DIP2C: variants seen among roughly 807,000 people sequenced by gnomAD.
DIP2C encodes disco-interacting protein 2 homolog C.
In DIP2C, 33 loss-of-function variants were observed where a neutral mutation model predicts 192.4. The observed-to-expected ratio is 0.17, with a 90% CI of 0.13 to 0.23. The LOEUF (loss-of-function observed/expected upper bound fraction) is 0.23. Among genes scored for constraint, DIP2C ranks in the 10% least tolerant of loss-of-function variants. The pLI is 1.00. For missense variants in DIP2C, 1,537 were observed against 2,110.1 expected (o/e 0.73, Z 5.32); for synonymous variants, 979 against 864.1 (o/e 1.13, Z -2.33).
intron 1 of DIP2C, among the ~76,000 whole-genome samples, chr10:501,267 A>T (rs190838402): frequency 5.1e-4 from 78 of 152,344 alleles, no homozygotes; most frequent in African/African-American, 1.8e-3. Context: ...TAGTTTGTGG[A>T]AACATCCTTT....
At chr10:454,123 A>G (rs144643442) in intron 3 of DIP2C, among the ~76,000 whole-genome samples, 11 of 152,352 alleles carry the variant, frequency 7.2e-5, no homozygotes, top group African/African-American at 2.6e-4. Flanking sequence ...AAAGAGGCAG[A>G]TCTTTCTCGT....
chr10:421,305 A>C (rs191221678), intron 5 of DIP2C, among the ~76,000 whole-genome samples: 1 of 152,330 alleles, frequency 6.6e-6, no homozygotes, highest in East Asian at 1.9e-4. Flanking sequence ...TAAACCCGCA[A>C]AGGGAGGCCA....
intron 2 of DIP2C, among the ~76,000 whole-genome samples, chr10:482,191 G>A (rs535529830): frequency 1.3e-5 from 2 of 152,260 alleles, no homozygotes; most frequent in South Asian, 4.1e-4. Flanking sequence ...ATGGCTGTCG[G>A]GAGGGACAGC....
At chr10:406,657 C>T (rs906217074) in intron 9 of DIP2C, among the ~76,000 whole-genome samples, 4 of 152,124 alleles carry the variant, frequency 2.6e-5, no homozygotes, top group Admixed American at 6.5e-5. Context: ...AGCCCTTTCC[C>T]GAAATTACCC....
chr10:463,566 C>T (rs1490890902), intron 3 of DIP2C, among the ~76,000 whole-genome samples: 2 of 152,130 alleles, frequency 1.3e-5, no homozygotes, highest in Admixed American at 1.3e-4. Context: ...GCCATATTGC[C>T]CAAAGTAATT....
intron 29 of DIP2C, among the ~76,000 whole-genome samples, chr10:331,256 A>G (rs886964687): frequency 9.2e-5 from 14 of 152,212 alleles, no homozygotes; most frequent in African/African-American, 3.4e-4. Context: ...AGAGAATCCA[A>G]CTAAAGAAAT....
intron 32 of DIP2C, among the ~76,000 whole-genome samples, chr10:289,943 GTGAC>G (rs1302508725): frequency 1.3e-5 from 2 of 152,210 alleles, no homozygotes; most frequent in African/African-American, 4.8e-5. Context: ...TGGCTGTTGA[GTGAC>G]TGAGGCCACA....
intron 17 of DIP2C, 128 bp from the exon 18 acceptor site, chr10:369,761 C>G (rs768507417): frequency 6.6e-7 from 1 of 1,511,644 alleles, no homozygotes; most frequent in Admixed American, 1.7e-5. Flanking sequence ...AGGCACAGTG[C>G]TGGCTGCCCA....
intron 4 of DIP2C, among the ~76,000 whole-genome samples, chr10:433,726 T>C (rs1966952082): frequency 6.6e-6 from 1 of 152,126 alleles, no homozygotes; most frequent in Admixed American, 6.5e-5. Flanking sequence ...TATATCTTTT[T>C]CTATCCCTTT....
At chr10:467,623 T>TA (rs1271444393) in intron 3 of DIP2C, among the ~76,000 whole-genome samples, 1 of 139,320 alleles carries the variant, frequency 7.2e-6, no homozygotes, top group Non-Finnish European at 1.6e-5. Context: ...TATGCAGCCA[T>TA]AAAAAACGGG....
At chr10:571,467 T>TCC (rs370351306) in intron 1 of DIP2C, among the ~76,000 whole-genome samples, 1 of 148,992 alleles carries the variant, frequency 6.7e-6, no homozygotes, top group South Asian at 2.2e-4. Flanking sequence ...TCCTCCTGCA[T>TCC]CCCCCCTCCT....
At chr10:303,890 G>A (rs1453011754) in intron 32 of DIP2C, among the ~76,000 whole-genome samples, 3 of 152,032 alleles carry the variant, frequency 2.0e-5, no homozygotes, top group African/African-American at 7.2e-5. Context: ...ATTAATCTGG[G>A]CCTCCACGGG....
chr10:522,669 CTCT>C (rs1387539332), intron 1 of DIP2C, among the ~76,000 whole-genome samples: 2 of 152,248 alleles, frequency 1.3e-5, no homozygotes, highest in African/African-American at 2.4e-5. Flanking sequence ...CCATCTGTGT[CTCT>C]TCTTTGTTGG....
At chr10:578,080 G>A (rs980691679) in intron 1 of DIP2C, among the ~76,000 whole-genome samples, 4 of 152,214 alleles carry the variant, frequency 2.6e-5, no homozygotes, top group Non-Finnish European at 4.4e-5. Context: ...TCCACATTTG[G>A]AAATGTTTTG....
intron 8 of DIP2C, among the ~76,000 whole-genome samples, chr10:411,405 G>T (rs1053572009): frequency 6.6e-6 from 1 of 152,176 alleles, no homozygotes; most frequent in South Asian, 2.1e-4. Flanking sequence ...GTGGAAAACA[G>T]AATGATGTTT....
intron 1 of DIP2C, among the ~76,000 whole-genome samples, chr10:577,199 C>G: frequency 6.6e-6 from 1 of 152,148 alleles, no homozygotes; most frequent in Non-Finnish European, 1.5e-5. Flanking sequence ...ACTGAGCCAT[C>G]CTGACATAGC....
At chr10:377,139 CAGT>C (rs1268008922) in intron 17 of DIP2C, among the ~76,000 whole-genome samples, 1 of 124,946 alleles carries the variant, frequency 8.0e-6, no homozygotes, top group Non-Finnish European at 1.6e-5. Flanking sequence ...CTGTGCAGCG[CAGT>C]TTTTTTTTTT....
chr10:408,392 T>C (rs1964959486), intron 9 of DIP2C, among the ~76,000 whole-genome samples: 1 of 152,230 alleles, frequency 6.6e-6, no homozygotes, highest in Admixed American at 6.5e-5. Context: ...TACAATTTAC[T>C]TTTAAAAGAG....
At chr10:534,956 G>A (rs1047182148) in intron 1 of DIP2C, among the ~76,000 whole-genome samples, 3 of 152,118 alleles carry the variant, frequency 2.0e-5, no homozygotes, top group East Asian at 3.9e-4. Flanking sequence ...GATTACAGGC[G>A]TGAGCCACCG....
Sources: gnomAD v4.1 joint callset for allele counts (sites outside exome capture counted in the v4.1 genomes callset) on GRCh38, gnomAD v4.1.1 for gene constraint, MANE v1.5 for transcripts, NCBI Gene and HGNC (gene_info 2026-07-23, HGNC 2026-07-21) for gene names.